Variants in SYNDIG1 observed in about 807,000 individuals in gnomAD.
SYNDIG1 encodes synapse differentiation inducing 1.
A neutral mutation model predicts 19.4 loss-of-function variants in SYNDIG1; 9 were observed. The ratio of observed to expected loss-of-function variants is 0.46; its 90% CI spans 0.28 to 0.81. SYNDIG1 has a LOEUF of 0.81. SYNDIG1 is among the 30% of genes least tolerant of loss of function. The pLI is 0.12. For missense variants in SYNDIG1, 311 were observed against 343.3 expected (o/e 0.91, Z 0.74); for synonymous variants, 141 against 145.9 (o/e 0.97, Z 0.24).
chr20:24,555,430 T>C (rs1349789190), intron 2 of SYNDIG1, among the ~76,000 whole-genome samples: 1 of 152,194 alleles, frequency 6.6e-6, no homozygotes, highest in Non-Finnish European at 1.5e-5. Flanking sequence ...CTGCTTTCTC[T>C]TGTGGGCATT....
intron 1 of SYNDIG1, among the ~76,000 whole-genome samples, chr20:24,509,285 T>C (rs897019244): frequency 2.6e-5 from 4 of 152,372 alleles, no homozygotes; most frequent in Admixed American, 6.5e-5. Flanking sequence ...GAACTGTTTT[T>C]CTTTTCTCTG....
At position 24,665,327 on chromosome 20, in the gene SYNDIG1, T is replaced by A. The variant is rs756834334; in HGVS notation, c.619-19T>A. On this transcript the variant is annotated intron_variant, in intron 3 of 3. Transcript: ENST00000376862. The stretch of plus-strand genomic sequence containing the variant: ...CGACTTGCTTACAATGACTTCCTTT[T>A]TCTTCTCCAACTCTGCAGACCAACA... 3.2e-6 allele frequency: 5 copies of A among 1,583,674 alleles called. No individual in the cohort carries two copies. In the South Asian group the frequency reaches 5.8e-5, roughly 18 times the overall value.
intron 3 of SYNDIG1, among the ~76,000 whole-genome samples, chr20:24,613,545 T>C (rs1294119516): frequency 1.3e-5 from 2 of 151,980 alleles, no homozygotes; most frequent in Non-Finnish European, 2.9e-5. Context: ...GCCTCCTGTG[T>C]CCCCCATTGC....
chr20:24,650,654 A>G (rs558727293), intron 3 of SYNDIG1, among the ~76,000 whole-genome samples: 4 of 152,328 alleles, frequency 2.6e-5, no homozygotes, highest in Non-Finnish European at 4.4e-5. Flanking sequence ...CCCAGCTAGG[A>G]CAGCGTTCCA....
At chr20:24,564,046 G>A (rs565156668) in intron 2 of SYNDIG1, among the ~76,000 whole-genome samples, 23 of 152,234 alleles carry the variant, frequency 1.5e-4, no homozygotes, top group South Asian at 4.2e-4. Flanking sequence ...CAGCAGGACC[G>A]TGGCCAAACC....
At chr20:24,560,936 C>T (rs532584996) in intron 2 of SYNDIG1, among the ~76,000 whole-genome samples, 1 of 150,360 alleles carries the variant, frequency 6.7e-6, no homozygotes, top group East Asian at 1.9e-4. Flanking sequence ...CTTATCTGGA[C>T]TAAATGTGCA....
chr20:24,626,017 A>G (rs1442260899), intron 3 of SYNDIG1, among the ~76,000 whole-genome samples: 1 of 143,290 alleles, frequency 7.0e-6, no homozygotes, highest in Non-Finnish European at 1.5e-5. Flanking sequence ...TCCCTCCCGG[A>G]CGGGGTGGCT....
At chr20:24,556,870 A>G (rs2146842783) in intron 2 of SYNDIG1, among the ~76,000 whole-genome samples, 1 of 152,182 alleles carries the variant, frequency 6.6e-6, no homozygotes, top group East Asian at 1.9e-4. Context: ...TAGATTGGGG[A>G]AGTTCTCCTG....
In SYNDIG1 at chr20:24,490,213, A is replaced by G. The variant is rs566432158; in HGVS notation, c.-79+20460A>G. Among the ~76,000 whole-genome samples, 10 of 152,334 alleles carry G rather than the reference A, an allele frequency of 6.6e-5. No individual in the cohort carries two copies. The South Asian group carries it at 1.7e-3, about 25-fold the overall frequency. On this transcript the variant is annotated intron_variant, in intron 1 of 3. Coordinates refer to ENST00000376862, the MANE Select transcript of SYNDIG1 (RefSeq NM_024893.3). ...GTCATGGAGGGATCAGTGTGTTTCC[A>G]TGCCTGAATGAGGAACACGCAGATC...
chr20:24,508,779 T>G (rs2056668886), intron 1 of SYNDIG1, among the ~76,000 whole-genome samples: 1 of 152,050 alleles, frequency 6.6e-6, no homozygotes, highest in Non-Finnish European at 1.5e-5. Context: ...ACCATGAGTG[T>G]GCACCAGCTC....
At chr20:24,628,035 T>C (rs973945466) in intron 3 of SYNDIG1, among the ~76,000 whole-genome samples, 8 of 152,236 alleles carry the variant, frequency 5.3e-5, no homozygotes, top group African/African-American at 1.9e-4. Context: ...TTCGTACTTA[T>C]GGCACTTAGA....
At chr20:24,499,438 G>A (rs929615103) in intron 1 of SYNDIG1, among the ~76,000 whole-genome samples, 2 of 152,184 alleles carry the variant, frequency 1.3e-5, no homozygotes, top group African/African-American at 4.8e-5. Flanking sequence ...GTTATTTCTG[G>A]CAGTGTGGAA....
intron 3 of SYNDIG1, among the ~76,000 whole-genome samples, chr20:24,609,223 G>A (rs2058809062): frequency 2.0e-5 from 3 of 152,254 alleles, no homozygotes; most frequent in Non-Finnish European, 4.4e-5. Context: ...AGCATTTTCT[G>A]GTGCTTAGGG....
intron 2 of SYNDIG1, among the ~76,000 whole-genome samples, chr20:24,575,043 C>T (rs756028902): frequency 6.6e-6 from 1 of 152,240 alleles, no homozygotes; most frequent in Non-Finnish European, 1.5e-5. Context: ...CCTGGATGTG[C>T]TTCCCCAGCC....
chr20:24,536,962 G>C (rs1412571305), intron 1 of SYNDIG1, among the ~76,000 whole-genome samples: 3 of 152,148 alleles, frequency 2.0e-5, no homozygotes, highest in African/African-American at 7.2e-5. Flanking sequence ...CACCGCATCT[G>C]TCAGTTGTCC....
At chr20:24,606,646 C>T (rs771652904) in intron 3 of SYNDIG1, among the ~76,000 whole-genome samples, 10 of 152,166 alleles carry the variant, frequency 6.6e-5, no homozygotes, top group South Asian at 2.1e-4. Context: ...TTAATCCTTA[C>T]GGTATGGGTT....
chr20:24,600,045 G>A (rs2058656214), intron 3 of SYNDIG1, among the ~76,000 whole-genome samples: 1 of 152,152 alleles, frequency 6.6e-6, no homozygotes, highest in South Asian at 2.1e-4. Flanking sequence ...TCATAAATTT[G>A]TACAAATTTT....
intron 3 of SYNDIG1, among the ~76,000 whole-genome samples, chr20:24,661,880 G>A (rs545593297): frequency 1.3e-5 from 2 of 152,240 alleles, no homozygotes; most frequent in South Asian, 4.1e-4. Flanking sequence ...TCCCCAAAAT[G>A]TGACCAATGG....
intron 1 of SYNDIG1, among the ~76,000 whole-genome samples, chr20:24,520,930 T>C (rs879107607): frequency 6.6e-6 from 1 of 152,206 alleles, no homozygotes; most frequent in Non-Finnish European, 1.5e-5. Context: ...TCTGCAGAAC[T>C]TACCACCATC....
Sources: gnomAD v4.1 joint callset for allele counts (sites outside exome capture counted in the v4.1 genomes callset) on GRCh38, gnomAD v4.1.1 for gene constraint, MANE v1.5 for transcripts, NCBI Gene and HGNC (gene_info 2026-07-23, HGNC 2026-07-21) for gene names.